The following GSE1 variants were observed in gnomAD, a reference collection of about 807,000 sequenced individuals.
GSE1 encodes the protein Gse1 coiled-coil protein.
A neutral mutation model predicts 112.6 loss-of-function variants in GSE1; 32 were observed. The observed-to-expected ratio is 0.28, with a 90% CI of 0.21 to 0.38. The LOEUF is 0.38. GSE1 is among the 10% of genes least tolerant of loss of function. The pLI is 1.00. For synonymous variants in GSE1, 1,115 were observed against 735.6 expected (o/e 1.52, Z -8.35); for missense variants, 2,348 against 1,699.2 (o/e 1.38, Z -6.71).
chr16:85,268,137 T>C (rs1205936948), intron 1 of GSE1, among the ~76,000 whole-genome samples: 5 of 152,138 alleles, frequency 3.3e-5, no homozygotes, highest in Admixed American at 3.3e-4. Flanking sequence ...CGTGACACAG[T>C]GCTGTCTATC....
chr16:85,420,338 C>G (rs2048807144), intron 2 of GSE1, among the ~76,000 whole-genome samples: 1 of 152,110 alleles, frequency 6.6e-6, no homozygotes, highest in Non-Finnish European at 1.5e-5. Context: ...CTTTGGGTGT[C>G]CAGGATCGTG....
chr16:85,501,068 T>C (rs1280937203), intron 2 of GSE1, among the ~76,000 whole-genome samples: 1 of 134,248 alleles, frequency 7.4e-6, no homozygotes, highest in Non-Finnish European at 1.6e-5. Context: ...TGGCACGATC[T>C]CGGCTCACTG....
intron 1 of GSE1, among the ~76,000 whole-genome samples, chr16:85,614,196 C>A (rs1349523315): frequency 6.6e-6 from 1 of 151,994 alleles, no homozygotes; most frequent in Non-Finnish European, 1.5e-5. Flanking sequence ...GCCCTTCCTG[C>A]TCCGCCTGGA....
rs577147560 is a variant in GSE1 at position 85,481,192 on chromosome 16, C to A, written c.2464+123549C>A. 2.5e-4 allele frequency among the ~76,000 whole-genome samples: 38 copies of A among 152,358 alleles called. 1 individual carries two copies. In the South Asian group the frequency reaches 7.7e-3, roughly 31 times the overall value. On this transcript the variant is annotated intron_variant, in intron 2 of 2. Transcript: ENST00000637419. ...CCAGGCTTCCCAGGTTTACACCCAG[C>A]CTCAGCACCTGGTGTAGCCACTCTG...
intron 1 of GSE1, 105 bp from the exon 2 acceptor site, chr16:85,633,809 C>T (rs2049754150): frequency 1.2e-5 from 10 of 827,632 alleles, no homozygotes; most frequent in South Asian, 1.6e-5. Flanking sequence ...CGGGGCTGCC[C>T]CTGCTCCCTG....
chr16:85,338,425 G>A (rs1459580718), intron 1 of GSE1, among the ~76,000 whole-genome samples: 1 of 152,178 alleles, frequency 6.6e-6, no homozygotes, highest in Non-Finnish European at 1.5e-5. Context: ...GGCTCTGTGT[G>A]ACGTGAGGCA....
intron 1 of GSE1, among the ~76,000 whole-genome samples, chr16:85,628,017 C>T (rs1307821860): frequency 1.3e-5 from 2 of 152,278 alleles, no homozygotes; most frequent in African/African-American, 4.8e-5. Flanking sequence ...TGAAGTGATC[C>T]CCACCAGGCC....
rs572620021 is a variant in GSE1, at chr16:85,613,438, C to T, written c.7+40C>T. The T allele has an allele frequency of 4.5e-5, 68 of 1,521,802 alleles. No homozygotes were observed. In the South Asian group the frequency reaches 7.2e-4, roughly 16 times the overall value. The allele number at this position is 1,521,802 out of a possible 1,614,324, so 94.3% of individuals were successfully genotyped here. A position where few individuals can be genotyped will look rare whatever the true frequency, so the allele number is the denominator to read the frequency against. On this transcript the variant is annotated intron_variant, in intron 1 of 15. Transcript: ENST00000253458. The stretch of plus-strand genomic sequence containing the variant: ...CCCGGCCGGGGACGGGGTCCTCCCC[C>T]CTCCCCCCACCGCACTGTCCTCCTG...
At chr16:85,401,085 G>A (rs1044808533) in intron 2 of GSE1, among the ~76,000 whole-genome samples, 13 of 152,138 alleles carry the variant, frequency 8.5e-5, no homozygotes, top group African/African-American at 1.4e-4. Flanking sequence ...CCAAATCAGC[G>A]GATATGGTGC....
intron 1 of GSE1, among the ~76,000 whole-genome samples, chr16:85,234,342 C>CT (rs1904378366): frequency 6.6e-6 from 1 of 152,164 alleles, no homozygotes; most frequent in Non-Finnish European, 1.5e-5. Flanking sequence ...CCATCTTGGT[C>CT]TTGGTCTGTA....
At chr16:85,597,256 G>A (rs1362297176) in intron 1 of GSE1, among the ~76,000 whole-genome samples, 3 of 151,612 alleles carry the variant, frequency 2.0e-5, no homozygotes, top group Admixed American at 1.3e-4. Context: ...TGGGATTAAT[G>A]GCGTGAGCCA....
chr16:85,472,112 C>T (rs768642571), intron 2 of GSE1, among the ~76,000 whole-genome samples: 3 of 152,168 alleles, frequency 2.0e-5, no homozygotes, highest in Non-Finnish European at 4.4e-5. Context: ...CCAGACATTG[C>T]CAGGTGTCTC....
chr16:85,556,373 C>A, intron 1 of GSE1: 1 of 983,532 alleles, frequency 1.0e-6, no homozygotes, highest in Non-Finnish European at 1.2e-6. Flanking sequence ...GGTAAGCGAG[C>A]CGTGCGCCTC....
chr16:85,432,072 C>T (rs890254616), intron 2 of GSE1, among the ~76,000 whole-genome samples: 3 of 152,202 alleles, frequency 2.0e-5, no homozygotes, highest in Admixed American at 2.0e-4. Flanking sequence ...TCACCCCTCA[C>T]CCCTCTTCCC....
chr16:85,478,855 CTTT>C (rs2050552215), intron 2 of GSE1, among the ~76,000 whole-genome samples: 1 of 14,980 alleles, frequency 6.7e-5, no homozygotes, highest in Non-Finnish European at 1.2e-4. Flanking sequence ...TTCTTTCTTT[CTTT>C]CTTTCTTTCT....
chr16:85,437,587 C>G lies in GSE1; in HGVS notation c.2464+79944C>G, dbSNP rs115920020. On this transcript the variant is annotated intron_variant, in intron 2 of 2. Transcript: ENST00000637419. ...GGACGAGGAGGGGCAGCCACATGCT[C>G]GGGGGATTGGGATCGGAGACCAGGA... Among the ~76,000 whole-genome samples the G allele has an allele frequency of 6.6e-5, 10 of 152,138 alleles. No individual in the cohort carries two copies. In the South Asian group the frequency reaches 1.5e-3, roughly 22 times the overall value.
intron 1 of GSE1, among the ~76,000 whole-genome samples, chr16:85,328,873 C>G (rs1333491709): frequency 6.6e-6 from 1 of 152,334 alleles, no homozygotes; most frequent in East Asian, 1.9e-4. Flanking sequence ...ACCACCCAGA[C>G]CTTCCAGCTG....
chr16:85,385,761 G>A (rs2047674765), intron 2 of GSE1, among the ~76,000 whole-genome samples: 1 of 152,222 alleles, frequency 6.6e-6, no homozygotes, highest in African/African-American at 2.4e-5. Flanking sequence ...CGGCGGTAAT[G>A]GGGTCATAGA....
intron 1 of GSE1, among the ~76,000 whole-genome samples, chr16:85,242,089 G>C (rs377002280): frequency 6.6e-6 from 1 of 152,182 alleles, no homozygotes; most frequent in Non-Finnish European, 1.5e-5. Flanking sequence ...ACGTCCCCAA[G>C]TGATTTGTGC....
Sources: gnomAD v4.1 joint callset for allele counts (sites outside exome capture counted in the v4.1 genomes callset) on GRCh38, gnomAD v4.1.1 for gene constraint, MANE v1.5 for transcripts, NCBI Gene and HGNC (gene_info 2026-07-23, HGNC 2026-07-21) for gene names.